The following STX16 variants were observed in gnomAD, a reference collection of about 807,000 sequenced individuals.
STX16 encodes syntaxin-16.
A neutral mutation model predicts 42.7 loss-of-function variants in STX16; 28 were observed. The observed-to-expected ratio is 0.66, with a 90% CI of 0.49 to 0.90. The LOEUF is 0.90. Among genes scored for constraint, STX16 ranks in the 40% least tolerant of loss-of-function variants. STX16 has a pLI of 0.00. For synonymous variants in STX16, 156 were observed against 155.2 expected (o/e 1.00, Z -0.04); for missense variants, 361 against 420.9 (o/e 0.86, Z 1.24).
rs1304377660 is a variant in STX16 at position 58,677,377 on chromosome 20, T to C, written c.*1086T>C. ...TGGCTCTTCCATTGCCACTGAGCAATGCCCAGGAAGCAGGCACATTGCCAA... is the reference window on the plus strand; with the variant it reads ...TGGCTCTTCCATTGCCACTGAGCAACGCCCAGGAAGCAGGCACATTGCCAA... On this transcript the variant is annotated 3_prime_UTR_variant, in exon 9 of 9. Coordinates refer to ENST00000371141, the MANE Select transcript of STX16 (RefSeq NM_001001433.3). 1 of 152,652 alleles carries C rather than the reference T, an allele frequency of 6.6e-6. No individual in the cohort carries two copies. The highest frequency in any genetic ancestry group is 2.4e-5 in the African/African-American group (1 of 41,454). The allele number at this position is 152,652 out of a possible 1,614,324, so 9.5% of individuals were successfully genotyped here.
At chr20:58,671,709 G>A (rs2083982319) in intron 7 of STX16, among the ~76,000 whole-genome samples, 2 of 152,018 alleles carry the variant, frequency 1.3e-5, no homozygotes, top group Non-Finnish European at 2.9e-5. Flanking sequence ...TCTGTAAAAT[G>A]GGACTAATAA....
chr20:58,657,553 C>T lies in STX16; in HGVS notation c.133-2070C>T, dbSNP rs534303100. On this transcript the variant is annotated intron_variant, in intron 1 of 8. Transcript: ENST00000371141. The surrounding 1 kb of genome is among the most constrained non-coding windows in gnomAD (Gnocchi z 4.2). ...AAAGTTCTTTAGACTATAAATTCCACATGCTACTTGGAGTTTTCAGTGTTT... is the reference window on the plus strand; with the variant it reads ...AAAGTTCTTTAGACTATAAATTCCATATGCTACTTGGAGTTTTCAGTGTTT... 1.6e-4 allele frequency among the ~76,000 whole-genome samples: 25 copies of T among 152,302 alleles called. No individual in the cohort carries two copies. The highest frequency in any genetic ancestry group is 3.3e-4 in the Admixed American group (5 of 15,298).
Position 58,659,642 on chromosome 20 carries a change from G to A in STX16, c.144+8G>A. On this transcript the variant is annotated splice_region_variant and intron_variant, in intron 2 of 8. Coordinates refer to ENST00000371141, the MANE Select transcript of STX16 (RefSeq NM_001001433.3). ...CTTCAGGAGCTGGACGAGGTATTGT[G>A]TTTTGAATATTTTTATATGTTGGGT... 6.2e-7 allele frequency: 1 copy of A among 1,612,386 alleles called. No homozygotes were observed. Among genetic ancestry groups the A allele is most frequent in the South Asian group, 1.1e-5 (1 of 90,704 alleles).
At chr20:58,656,380 G>A (rs1295859620) in intron 1 of STX16, among the ~76,000 whole-genome samples, 1 of 152,194 alleles carries the variant, frequency 6.6e-6, no homozygotes, top group African/African-American at 2.4e-5. Flanking sequence ...CCAGCCAAGT[G>A]CAGGTTTTAA....
intron 1 of STX16, among the ~76,000 whole-genome samples, chr20:58,654,213 T>A (rs2083538212): frequency 6.6e-6 from 1 of 152,196 alleles, no homozygotes; most frequent in South Asian, 2.1e-4. Flanking sequence ...TTAAAATCTT[T>A]CTCAGATCAT....
intron 1 of STX16, 75 bp downstream of exon 1, chr20:58,652,213 G>A (rs903755518): frequency 1.3e-6 from 2 of 1,587,210 alleles, no homozygotes; most frequent in Non-Finnish European, 1.7e-6. Context: ...GTCTCTGTCT[G>A]TCTCTCTGTT....
intron 2 of STX16, among the ~76,000 whole-genome samples, chr20:58,660,107 G>C (rs905836949): frequency 2.6e-5 from 4 of 152,174 alleles, no homozygotes; most frequent in African/African-American, 9.7e-5. Flanking sequence ...GACACCCAGT[G>C]GATGCACCTG....
At chr20:58,670,331 G>A (rs1045249880) in intron 5 of STX16, among the ~76,000 whole-genome samples, 181 bp from the exon 6 acceptor site, 3 of 152,178 alleles carry the variant, frequency 2.0e-5, no homozygotes, top group African/African-American at 7.2e-5. Context: ...CCTGCATATT[G>A]TTGTATGTTT....
chr20:58,661,663 G>C (rs939042589), intron 2 of STX16, among the ~76,000 whole-genome samples: 3 of 152,158 alleles, frequency 2.0e-5, no homozygotes, highest in Non-Finnish European at 4.4e-5. Flanking sequence ...GTTTCTTGTC[G>C]GATCACTCAG....
At chr20:58,671,425 TA>T (rs138390414) in intron 7 of STX16, 128 bp downstream of exon 7, 1 of 467,816 alleles carries the variant, frequency 2.1e-6, no homozygotes, top group Non-Finnish European at 3.5e-6. Context: ...ACCTGTCCTT[TA>T]TGTGTGTGTG....
chr20:58,664,804 A>G (rs2083779664), intron 2 of STX16, among the ~76,000 whole-genome samples: 1 of 152,250 alleles, frequency 6.6e-6, no homozygotes, highest in South Asian at 2.1e-4. Flanking sequence ...TGTAAACAGT[A>G]AAAACAGTAC....
intron 1 of STX16, among the ~76,000 whole-genome samples, chr20:58,652,507 TCC>T (rs2083491949): frequency 6.8e-6 from 1 of 148,094 alleles, no homozygotes; most frequent in African/African-American, 2.5e-5. Flanking sequence ...GAAGCTCCCC[TCC>T]CCCCAGTAAT....
chr20:58,670,703 G>C (rs2083947729), intron 6 of STX16, 100 bp downstream of exon 6: 2 of 956,330 alleles, frequency 2.1e-6, no homozygotes, highest in Non-Finnish European at 3.3e-6. Context: ...TCAGTGGATT[G>C]ATACAGTTGA....
chr20:58,654,915 A>G (rs1261643979), intron 1 of STX16, among the ~76,000 whole-genome samples: 2 of 152,180 alleles, frequency 1.3e-5, no homozygotes, highest in Non-Finnish European at 2.9e-5. Flanking sequence ...TGTGTGCGAC[A>G]TTTTACCATT....
intron 8 of STX16, among the ~76,000 whole-genome samples, chr20:58,675,054 G>A (rs1259758225): frequency 6.6e-6 from 1 of 152,108 alleles, no homozygotes; most frequent in Non-Finnish European, 1.5e-5. Context: ...AAAAGTCAGC[G>A]TGCTCCATCT....
At chr20:58,674,149 C>CT (rs2084047602) in intron 8 of STX16, among the ~76,000 whole-genome samples, 1 of 152,204 alleles carries the variant, frequency 6.6e-6, no homozygotes, top group African/African-American at 2.4e-5. Flanking sequence ...GAGAATCATT[C>CT]TGCAGAAGAT....
At chr20:58,666,423 G>GTTTTT (rs5842238) in intron 2 of STX16, among the ~76,000 whole-genome samples, 3 of 79,712 alleles carry the variant, frequency 3.8e-5, no homozygotes, top group Admixed American at 1.4e-4. Flanking sequence ...GTGTGTGTGT[G>GTTTTT]TTTTTTTTTT....
chr20:58,676,355 C>T lies in STX16; in HGVS notation c.*64C>T, dbSNP rs2084125690. The T allele has an allele frequency of 4.0e-5, 58 of 1,451,308 alleles. 2 individuals are homozygous for T. In the South Asian group the frequency reaches 5.6e-4, roughly 14 times the overall value. The allele number at this position is 1,451,308 out of a possible 1,614,324, so 89.9% of individuals were successfully genotyped here. A position where few individuals can be genotyped will look rare whatever the true frequency, so the allele number is the denominator to read the frequency against. On this transcript the variant is annotated 3_prime_UTR_variant, in exon 9 of 9. Coordinates refer to ENST00000371141, the MANE Select transcript of STX16 (RefSeq NM_001001433.3). ...TCCCGGGTGTGAGGGGCTTGGCCTG[C>T]GCCCCGCCAGCTGCCCGCAGAGGTG...
intron 7 of STX16, among the ~76,000 whole-genome samples, chr20:58,673,322 G>A (rs964168092): frequency 2.6e-5 from 4 of 152,148 alleles, no homozygotes; most frequent in African/African-American, 9.7e-5. Context: ...CTGGACCATA[G>A]ATTTCTTAGG....
Sources: gnomAD v4.1 joint callset for allele counts (sites outside exome capture counted in the v4.1 genomes callset) on GRCh38, gnomAD v4.1.1 for gene constraint, Gnocchi (gnomAD v3.1) non-coding constraint, MANE v1.5 for transcripts, NCBI Gene and HGNC (gene_info 2026-07-23, HGNC 2026-07-21) for gene names.